The following VWA8 variants were observed in gnomAD, a reference collection of about 807,000 sequenced individuals.
The protein encoded by VWA8 is von Willebrand factor A domain-containing protein 8.
In VWA8, 221 loss-of-function variants were observed where a neutral mutation model predicts 241.5. The observed-to-expected ratio is 0.91, with a 90% CI of 0.82 to 1.02. The LOEUF is 1.02. Ranked by LOEUF, VWA8 falls within the 50% of genes least tolerant of loss-of-function variation. VWA8 has a pLI of 0.00. For synonymous variants in VWA8, 852 were observed against 827.1 expected, an observed-to-expected ratio of 1.03 and a Z score of -0.52; for missense variants, 2,322 against 2,328.7, an observed-to-expected ratio of 1.00 and a Z score of 0.06.
At position 41,567,559 on chromosome 13, in the gene VWA8, A is replaced by G. The variant is rs1354280333; in HGVS notation, c.*638T>C. 2 of 152,244 alleles carry G rather than the reference A, an allele frequency of 1.3e-5. No homozygotes were observed. Among genetic ancestry groups the G allele is most frequent in the Non-Finnish European group, 2.9e-5 (2 of 68,040 alleles). 9.4% of individuals were successfully genotyped at this position (152,244 alleles called of 1,614,324 possible). A position where few individuals can be genotyped will look rare whatever the true frequency, so the allele number is the denominator to read the frequency against. ...TAAGAGCCTTTTAAAAGTCACGTGG[A>G]AAGGCAAGCACTCCAAGGATTTTTT... On this transcript the variant is annotated 3_prime_UTR_variant, in exon 45 of 45. Transcript: ENST00000379310.
chr13:41,805,227 C>T (rs1870130020), intron 17 of VWA8, among the ~76,000 whole-genome samples: 2 of 151,922 alleles, frequency 1.3e-5, no homozygotes, highest in South Asian at 2.1e-4. Flanking sequence ...ATATTCCATG[C>T]CAAATGAAAC....
At chr13:41,612,508 T>C (rs1411371512) in intron 38 of VWA8, among the ~76,000 whole-genome samples, 2 of 152,212 alleles carry the variant, frequency 1.3e-5, no homozygotes, top group African/African-American at 4.8e-5. Flanking sequence ...GGTCATATGA[T>C]AAAAAGTGGT....
rs1412718129 is a variant in VWA8, at chr13:41,625,717, C to A, written c.4612-10633G>T. ...GAACTAGAAATACCATTTGACCCAGCCATCCCATTACTGGGTATATGCCCA... is the reference window on the plus strand; with the variant it reads ...GAACTAGAAATACCATTTGACCCAGACATCCCATTACTGGGTATATGCCCA... On this transcript the variant is annotated intron_variant, in intron 37 of 44. Coordinates refer to ENST00000379310, the MANE Select transcript of VWA8 (RefSeq NM_015058.2). Among the ~76,000 whole-genome samples, 676 of 152,066 alleles carry A rather than the reference C, an allele frequency of 4.4e-3. 9 individuals are homozygous for A. Among genetic ancestry groups the A allele is most frequent in the African/African-American group, 0.015 (636 of 41,466 alleles).
Position 41,907,648 on chromosome 13 carries a change from T to C in VWA8, c.421A>G (p.Thr141Ala), listed in dbSNP as rs763889371. The C allele has an allele frequency of 2.1e-5, 34 of 1,614,044 alleles. No individual in the cohort carries two copies. Residue 141 changes from threonine (T) to alanine (A), a missense_variant, in exon 4 of 45, where the codon ACT becomes GCT. Physicochemically the swap from Thr to Ala is moderately conservative, Grantham distance 58 (BLOSUM62 0). Coordinates refer to ENST00000379310, the MANE Select transcript of VWA8 (RefSeq NM_015058.2). ...VEYIALSRDT[T>A]ETDLKQRREI... is the part of the protein sequence containing the mutation. ...CGTCGCTGTTTGAGATCAGTTTCAG[T>C]GGTGTCCCTTGACAGGGCAATGTAT...
intron 20 of VWA8, among the ~76,000 whole-genome samples, chr13:41,761,800 A>C (rs897691805): frequency 1.3e-5 from 2 of 152,076 alleles, no homozygotes; most frequent in Non-Finnish European, 2.9e-5. Context: ...CTTACCACTT[A>C]CTGCTGCTGA....
At position 41,929,438 on chromosome 13, in the gene VWA8, C is replaced by T. The variant is rs1458659492; in HGVS notation, c.242-17270G>A. On this transcript the variant is annotated intron_variant, in intron 2 of 44. Transcript: ENST00000379310. Reference sequence around the variant, plus strand: ...AAGGTACTGGGATTACAGGCATGATCCACAGCACTCAGCCCTGTGTTACAA... The same window carrying T: ...AAGGTACTGGGATTACAGGCATGATTCACAGCACTCAGCCCTGTGTTACAA... 2.6e-5 allele frequency among the ~76,000 whole-genome samples: 4 copies of T among 152,116 alleles called. No individual in the cohort carries two copies. The South Asian group carries it at 8.3e-4, about 32-fold the overall frequency.
chr13:41,898,843 C>CG (rs1875277667), intron 4 of VWA8, among the ~76,000 whole-genome samples: 1 of 151,566 alleles, frequency 6.6e-6, no homozygotes, highest in African/African-American at 2.4e-5. Flanking sequence ...CCTCATTGCC[C>CG]GGGGCCTGCA....
In VWA8 at chr13:41,887,186, G is replaced by A. The variant is rs1357822439; in HGVS notation, c.816+11C>T. The A allele has an allele frequency of 3.7e-6, 6 of 1,603,238 alleles. No individual in the cohort carries two copies. The highest frequency in any genetic ancestry group is 5.1e-6 in the Non-Finnish European group (6 of 1,177,370). Reference sequence around the variant, plus strand: ...CTGTTTAACAAATAAATTATCCTTGGTCTTACTTACCTTGAAGGGTAAATA... The same window carrying A: ...CTGTTTAACAAATAAATTATCCTTGATCTTACTTACCTTGAAGGGTAAATA... On this transcript the variant is annotated intron_variant, in intron 6 of 44. Coordinates refer to ENST00000379310, the MANE Select transcript of VWA8 (RefSeq NM_015058.2).
At chr13:41,569,917 C>T (rs542343059) in intron 44 of VWA8, among the ~76,000 whole-genome samples, 4 of 151,918 alleles carry the variant, frequency 2.6e-5, no homozygotes, top group Non-Finnish European at 5.9e-5. Context: ...CCAAGTGTTT[C>T]ACCTGCCTTG....
At chr13:41,883,062 C>T (rs1230216085) in intron 9 of VWA8, among the ~76,000 whole-genome samples, 1 of 152,098 alleles carries the variant, frequency 6.6e-6, no homozygotes, top group Non-Finnish European at 1.5e-5. Context: ...TTATAAATCC[C>T]TCATCCAACA....
chr13:41,858,354 C>T (rs1593822181), intron 12 of VWA8, among the ~76,000 whole-genome samples: 1 of 152,002 alleles, frequency 6.6e-6, no homozygotes, highest in East Asian at 1.9e-4. Context: ...GCCTGTAATC[C>T]CACCACTTTA....
At position 41,680,239 on chromosome 13, in the gene VWA8, C is replaced by T. The variant is rs540292067; in HGVS notation, c.4327+4808G>A. 3.9e-5 allele frequency among the ~76,000 whole-genome samples: 6 copies of T among 151,988 alleles called. 1 individual carries two copies. The highest frequency in any genetic ancestry group is 1.4e-4 in the African/African-American group (6 of 41,438). On this transcript the variant is annotated intron_variant, in intron 35 of 44. Transcript: ENST00000379310. ...AGTTTTATTTAGTACAAATTTATTCCCAAGGTTCCCTAATTGTTAAAATCT... is the reference window on the plus strand; with the variant it reads ...AGTTTTATTTAGTACAAATTTATTCTCAAGGTTCCCTAATTGTTAAAATCT...
intron 37 of VWA8, among the ~76,000 whole-genome samples, chr13:41,650,837 A>T (rs1210808736): frequency 6.6e-6 from 1 of 152,122 alleles, no homozygotes; most frequent in Non-Finnish European, 1.5e-5. Flanking sequence ...GCATCCAAGG[A>T]GGGCTTAGGG....
At chr13:41,931,085 G>A (rs1478343317) in intron 2 of VWA8, among the ~76,000 whole-genome samples, 1 of 150,806 alleles carries the variant, frequency 6.6e-6, no homozygotes, top group East Asian at 1.9e-4. Flanking sequence ...GGAGACGAAG[G>A]TTGCAGTGAG....
intron 14 of VWA8, among the ~76,000 whole-genome samples, chr13:41,822,346 C>G (rs1870994823): frequency 6.6e-6 from 1 of 152,094 alleles, no homozygotes; most frequent in Non-Finnish European, 1.5e-5. Flanking sequence ...CATTAGTTTT[C>G]CATACTACAA....
intron 1 of VWA8, among the ~76,000 whole-genome samples, chr13:41,958,461 CAGAG>C (rs1566052314): frequency 1.3e-5 from 2 of 152,152 alleles, no homozygotes; most frequent in Non-Finnish European, 2.9e-5. Flanking sequence ...ATGTCAATTA[CAGAG>C]AGAGGAGATA....
Position 41,784,727 on chromosome 13 carries a change from T to TATATATATATATACAC in VWA8, c.2171-827_2171-826insGTGTATATATATATAT, listed in dbSNP as rs1555335045. 1.7e-4 allele frequency among the ~76,000 whole-genome samples: 12 copies of TATATATATATATACAC among 69,028 alleles called. 1 individual carries two copies. Among genetic ancestry groups the TATATATATATATACAC allele is most frequent in the Non-Finnish European group, 3.2e-4 (10 of 31,524 alleles). The allele number at this position is 69,028 out of a possible 152,430, so 45.3% of individuals were successfully genotyped here. A position where few individuals can be genotyped will look rare whatever the true frequency, so the allele number is the denominator to read the frequency against. On this transcript the variant is annotated intron_variant, in intron 18 of 44. Transcript: ENST00000379310. The stretch of plus-strand genomic sequence containing the variant: ...ATATATATATATATATATATATATA[T>TATATATATATATACAC]ATACACACACATATATATATATATA...
intron 21 of VWA8, among the ~76,000 whole-genome samples, chr13:41,747,431 T>C (rs1201716701): frequency 1.3e-5 from 2 of 152,166 alleles, no homozygotes; most frequent in African/African-American, 4.8e-5. Flanking sequence ...ATGCTTGTGA[T>C]TTTTGCACAT....
intron 17 of VWA8, among the ~76,000 whole-genome samples, chr13:41,797,124 G>A (rs1275142145): frequency 1.3e-5 from 2 of 152,048 alleles, no homozygotes; most frequent in Non-Finnish European, 2.9e-5. Context: ...TCCACTGCCC[G>A]GGTTCAAGTG....
Sources: allele counts gnomAD v4.1 joint callset (sites outside exome capture counted in the v4.1 genomes callset), GRCh38; gene constraint gnomAD v4.1.1; transcripts MANE v1.5; gene names NCBI Gene and HGNC (gene_info 2026-07-23, HGNC 2026-07-21).